WASF1: variants seen among roughly 807,000 people sequenced by gnomAD.
WASF1 encodes the protein WASP family member 1.
In WASF1, 7 loss-of-function variants were observed where a neutral mutation model predicts 50.5. The observed-to-expected ratio is 0.14, with a 90% CI of 0.08 to 0.26. The LOEUF is 0.26. WASF1 is among the 10% of genes least tolerant of loss of function. WASF1 has a pLI of 1.00. For missense variants in WASF1, 470 were observed against 694.7 expected (o/e 0.68, Z 3.64); for synonymous variants, 205 against 244.0 (o/e 0.84, Z 1.49).
intron 3 of WASF1, among the ~76,000 whole-genome samples, chr6:110,157,280 A>T: frequency 3.3e-5 from 1 of 30,602 alleles, no homozygotes; most frequent in Non-Finnish European, 5.0e-5. Context: ...CATCCCTTGT[A>T]AGTTGGATTT....
rs1158107799 is a variant in WASF1, at chr6:110,141,202, T to C, written c.-28-13573A>G. On this transcript the variant is annotated intron_variant, in intron 3 of 10. Transcript: ENST00000392589. ...AATCAAACCCTTCCTTGGTTCCTTGTTGTCAGGGTAAAGTCCAAACATAAT... is the reference window on the plus strand; with the variant it reads ...AATCAAACCCTTCCTTGGTTCCTTGCTGTCAGGGTAAAGTCCAAACATAAT... Among the ~76,000 whole-genome samples, 3 of 152,178 alleles carry C rather than the reference T, an allele frequency of 2.0e-5. No homozygotes were observed. The East Asian group carries it at 5.8e-4, about 29-fold the overall frequency.
intron 3 of WASF1, among the ~76,000 whole-genome samples, chr6:110,160,392 G>T (rs1776215191): frequency 6.6e-6 from 1 of 151,726 alleles, no homozygotes; most frequent in Non-Finnish European, 1.5e-5. Context: ...AATAAGAAAG[G>T]TTTTGAGCCT....
At chr6:110,135,876 CTTTTTTTTT>C (rs778710982) in intron 3 of WASF1, among the ~76,000 whole-genome samples, 3 of 68,308 alleles carry the variant, frequency 4.4e-5, no homozygotes, top group Admixed American at 2.0e-4. Flanking sequence ...AGTCCATTAT[CTTTTTTTTT>C]TTTTTTTTTT....
intron 3 of WASF1, among the ~76,000 whole-genome samples, chr6:110,143,840 T>C (rs532203749): frequency 7.5e-4 from 114 of 152,326 alleles, no homozygotes; most frequent in Middle Eastern, 3.4e-3. Context: ...AAAAATTATA[T>C]GTCATAGAAA....
At chr6:110,174,663 A>G (rs1776851382) in intron 2 of WASF1, among the ~76,000 whole-genome samples, 1 of 152,196 alleles carries the variant, frequency 6.6e-6, no homozygotes, top group African/African-American at 2.4e-5. Flanking sequence ...ATTAAACAAG[A>G]TAAATAATAA....
intron 4 of WASF1, among the ~76,000 whole-genome samples, chr6:110,117,096 G>A (rs1008275125): frequency 1.3e-5 from 2 of 151,788 alleles, no homozygotes; most frequent in East Asian, 1.9e-4. Flanking sequence ...AAAACAAAGC[G>A]CCTCTTCTCG....
intron 3 of WASF1, among the ~76,000 whole-genome samples, chr6:110,145,497 T>C (rs1205056829): frequency 6.6e-6 from 1 of 152,198 alleles, no homozygotes; most frequent in Non-Finnish European, 1.5e-5. Flanking sequence ...CAACGCTATG[T>C]TGAATAGGAG....
rs781562318 is a variant in WASF1 at position 110,127,845 on chromosome 6, T to C, written c.-28-216A>G. Among the ~76,000 whole-genome samples the C allele has an allele frequency of 3.8e-4, 58 of 152,114 alleles. 1 individual carries two copies. Among genetic ancestry groups the C allele is most frequent in the Non-Finnish European group, 7.6e-4 (52 of 68,010 alleles). ...CTCCTCAGCCTACTCAAGGTGAAAATGACAAGGATGAAGACTTTATGATGA... is the reference window on the plus strand; with the variant it reads ...CTCCTCAGCCTACTCAAGGTGAAAACGACAAGGATGAAGACTTTATGATGA... On this transcript the variant is annotated intron_variant, in intron 3 of 10. Coordinates refer to ENST00000392589, the MANE Select transcript of WASF1 (RefSeq NM_003931.3).
chr6:110,111,105 G>A (rs942492295), intron 5 of WASF1, among the ~76,000 whole-genome samples: 1 of 152,064 alleles, frequency 6.6e-6, no homozygotes, highest in Non-Finnish European at 1.5e-5. Context: ...TTGTTAAAAT[G>A]TAACAATATT....
At chr6:110,138,030 C>T (rs747783879) in intron 3 of WASF1, among the ~76,000 whole-genome samples, 23 of 152,210 alleles carry the variant, frequency 1.5e-4, no homozygotes, top group Admixed American at 1.3e-3. Context: ...TGGCAGGCTG[C>T]GCAGCTCATA....
chr6:110,102,226 C>T lies in WASF1; in HGVS notation c.894-10G>A, dbSNP rs910907234. 3 of 1,376,956 alleles carry T rather than the reference C, an allele frequency of 2.2e-6. No homozygotes were observed. In the African/African-American group the frequency reaches 4.4e-5, roughly 20 times the overall value. The allele number at this position is 1,376,956 out of a possible 1,614,324, so 85.3% of individuals were successfully genotyped here. On this transcript the variant is annotated splice_polypyrimidine_tract_variant and intron_variant, in intron 9 of 10. Transcript: ENST00000392589. ...CAAACCTGTAGCAGAACTGAAATGA[C>T]AAAGAGATTCTAGCAAGTTATTAAA...
At chr6:110,135,199 C>A (rs1266163600) in intron 3 of WASF1, among the ~76,000 whole-genome samples, 1 of 152,152 alleles carries the variant, frequency 6.6e-6, no homozygotes, top group Admixed American at 6.5e-5. Context: ...AGCAGTGCTA[C>A]TTATTTGTGT....
intron 3 of WASF1, among the ~76,000 whole-genome samples, chr6:110,138,818 GAC>G (rs889489836): frequency 2.6e-5 from 4 of 152,190 alleles, no homozygotes; most frequent in African/African-American, 9.7e-5. Flanking sequence ...GCTTGGAAAA[GAC>G]ACCATAAGTT....
At chr6:110,167,289 T>A (rs1776518750) in intron 2 of WASF1, among the ~76,000 whole-genome samples, 1 of 152,050 alleles carries the variant, frequency 6.6e-6, no homozygotes, top group African/African-American at 2.4e-5. Context: ...TACACTGTAC[T>A]CCTTCTACTT....
intron 3 of WASF1, among the ~76,000 whole-genome samples, chr6:110,143,067 G>A (rs1775333692): frequency 6.6e-6 from 1 of 151,260 alleles, no homozygotes; most frequent in South Asian, 2.1e-4. Context: ...ATTGTTGAGA[G>A]TACGTAAACT....
chr6:110,134,895 A>G (rs1774875739), intron 3 of WASF1, among the ~76,000 whole-genome samples: 1 of 151,688 alleles, frequency 6.6e-6, no homozygotes, highest in African/African-American at 2.4e-5. Flanking sequence ...TTTTTTTTCT[A>G]GTTCTGTGAA....
At chr6:110,114,970 T>C (rs1404768910) in intron 4 of WASF1, among the ~76,000 whole-genome samples, 1 of 151,948 alleles carries the variant, frequency 6.6e-6, no homozygotes, top group Admixed American at 6.6e-5. Context: ...TATGTGCCTG[T>C]AGTCCCAGCT....
chr6:110,149,459 A>G (rs1186008327), intron 3 of WASF1, among the ~76,000 whole-genome samples: 1 of 150,076 alleles, frequency 6.7e-6, no homozygotes, highest in East Asian at 1.9e-4. Context: ...TGTAGGAGAC[A>G]GCATGGAAGA....
chr6:110,174,231 A>G (rs1183847513), intron 2 of WASF1, among the ~76,000 whole-genome samples: 3 of 151,912 alleles, frequency 2.0e-5, no homozygotes, highest in Non-Finnish European at 4.4e-5. Context: ...GCCTCCCCTG[A>G]CTCCCAGTGT....
Sources: allele counts gnomAD v4.1 joint callset (sites outside exome capture counted in the v4.1 genomes callset), GRCh38; gene constraint gnomAD v4.1.1; transcripts MANE v1.5; gene names NCBI Gene and HGNC (gene_info 2026-07-23, HGNC 2026-07-21).